The following SGCZ variants were observed in gnomAD, a reference collection of about 807,000 sequenced individuals.
The protein encoded by SGCZ is zeta-sarcoglycan.
SGCZ carries 40 observed loss-of-function variants against 41.3 expected under a neutral mutation model. The ratio of observed to expected loss-of-function variants is 0.97; its 90% CI spans 0.75 to 1.26. The LOEUF is 1.26. Among genes scored for constraint, SGCZ ranks in the 50% most tolerant of loss-of-function variants. SGCZ has a pLI of 0.00. For missense variants in SGCZ, 552 were observed against 369.8 expected (o/e 1.49, Z -4.04); for synonymous variants, 206 against 137.5 (o/e 1.50, Z -3.49).
At chr8:14,479,727 ACTTCTTTTTTTTTTTTTTTTTT>A (rs1437123365) in intron 2 of SGCZ, among the ~76,000 whole-genome samples, 3 of 109,390 alleles carry the variant, frequency 2.7e-5, no homozygotes, top group Admixed American at 2.1e-4. Flanking sequence ...CCAGAATTCT[ACTTCTTTTTTTTTTTTTTTTTT>A]TTTTTTTTTT....
At chr8:14,710,258 T>C (rs931460059) in intron 1 of SGCZ, among the ~76,000 whole-genome samples, 10 of 149,992 alleles carry the variant, frequency 6.7e-5, no homozygotes, top group African/African-American at 2.5e-4. Flanking sequence ...TAGTCCCCAC[T>C]ACGCCGGAGG....
At chr8:14,807,422 C>G (rs985054405) in intron 1 of SGCZ, among the ~76,000 whole-genome samples, 5 of 152,126 alleles carry the variant, frequency 3.3e-5, no homozygotes, top group African/African-American at 9.7e-5. Flanking sequence ...GACAGGCATT[C>G]TTATACACCA....
intron 1 of SGCZ, among the ~76,000 whole-genome samples, chr8:15,004,108 G>T (rs7016297): frequency 2.6e-5 from 4 of 152,116 alleles, no homozygotes; most frequent in East Asian, 1.9e-4. Context: ...CAGAAAGAAA[G>T]GCTCCGTAAG....
chr8:14,338,417 A>G (rs1169194430), intron 2 of SGCZ, among the ~76,000 whole-genome samples: 1 of 152,146 alleles, frequency 6.6e-6, no homozygotes, highest in Non-Finnish European at 1.5e-5. Context: ...GTGAGAATGT[A>G]TAGACCCAGC....
At chr8:14,414,215 C>CACACACACATACA (rs1255337073) in intron 2 of SGCZ, among the ~76,000 whole-genome samples, 14 of 151,790 alleles carry the variant, frequency 9.2e-5, no homozygotes, top group Non-Finnish European at 2.1e-4. Context: ...CATACAGACA[C>CACACACACATACA]GCACACGCTA....
At chr8:14,967,240 G>T (rs554052208) in intron 1 of SGCZ, among the ~76,000 whole-genome samples, 2 of 152,284 alleles carry the variant, frequency 1.3e-5, no homozygotes, top group African/African-American at 4.8e-5. Context: ...CCCTGGTGGT[G>T]TCTGAGACCT....
At chr8:14,334,589 A>G (rs1041946305) in intron 2 of SGCZ, among the ~76,000 whole-genome samples, 1 of 151,892 alleles carries the variant, frequency 6.6e-6, no homozygotes, top group Non-Finnish European at 1.5e-5. Context: ...TATCTTCTTA[A>G]TTTATTTGTG....
intron 4 of SGCZ, among the ~76,000 whole-genome samples, chr8:14,166,364 T>C (rs1443552296): frequency 6.6e-6 from 1 of 152,166 alleles, no homozygotes; most frequent in Non-Finnish European, 1.5e-5. Context: ...GTGTGATTTG[T>C]TCTAATCATA....
chr8:14,782,782 G>T (rs146243835), intron 1 of SGCZ, among the ~76,000 whole-genome samples: 2 of 152,118 alleles, frequency 1.3e-5, no homozygotes, highest in African/African-American at 2.4e-5. Context: ...CTCACTAGTG[G>T]TTATCAATTT....
chr8:14,096,588 G>C (rs1801851966), intron 7 of SGCZ, among the ~76,000 whole-genome samples: 2 of 152,148 alleles, frequency 1.3e-5, no homozygotes, highest in African/African-American at 4.8e-5. Flanking sequence ...GTCTCTGCCA[G>C]GTTTTGGTAT....
At chr8:15,080,461 C>T (rs1369298752) in intron 1 of SGCZ, among the ~76,000 whole-genome samples, 2 of 152,090 alleles carry the variant, frequency 1.3e-5, no homozygotes, top group African/African-American at 2.4e-5. Flanking sequence ...TTGTGCACCC[C>T]CAACGCCAGC....
intron 3 of SGCZ, among the ~76,000 whole-genome samples, chr8:14,294,815 G>A (rs572751856): frequency 1.6e-4 from 24 of 151,982 alleles, no homozygotes; most frequent in Non-Finnish European, 2.5e-4. Flanking sequence ...ATATGAAATC[G>A]CTGTTAGATG....
At chr8:14,535,659 A>G (rs1803272403) in intron 2 of SGCZ, among the ~76,000 whole-genome samples, 2 of 151,910 alleles carry the variant, frequency 1.3e-5, no homozygotes, top group Non-Finnish European at 2.9e-5. Context: ...AAGTCACTTA[A>G]TTTTTGCTTT....
Position 14,161,959 on chromosome 8 carries a change from G to A in SGCZ, c.547+2621C>T, listed in dbSNP as rs545686555. On this transcript the variant is annotated intron_variant, in intron 5 of 7. Coordinates refer to ENST00000382080, the MANE Select transcript of SGCZ (RefSeq NM_139167.4). The stretch of plus-strand genomic sequence containing the variant: ...AGCAATAGGAGGAAGAAGGGAGAGA[G>A]AGAGAAAGATAAAGGGAGAGAGAAT... Among the ~76,000 whole-genome samples the A allele has an allele frequency of 2.0e-5, 3 of 152,174 alleles. 1 individual carries two copies. The South Asian group carries it at 6.2e-4, about 32-fold the overall frequency.
At chr8:14,366,407 A>G (rs1803709148) in intron 2 of SGCZ, among the ~76,000 whole-genome samples, 1 of 152,122 alleles carries the variant, frequency 6.6e-6, no homozygotes, top group Non-Finnish European at 1.5e-5. Flanking sequence ...CTATCATGAG[A>G]ACAGCATGGG....
intron 1 of SGCZ, among the ~76,000 whole-genome samples, chr8:15,019,376 C>T (rs761414365): frequency 2.1e-4 from 32 of 152,230 alleles, no homozygotes; most frequent in South Asian, 4.1e-4. Flanking sequence ...CGTATGCACC[C>T]GAGTGGAAGT....
chr8:14,333,757 T>A (rs1348136060), intron 2 of SGCZ, among the ~76,000 whole-genome samples: 1 of 152,058 alleles, frequency 6.6e-6, no homozygotes, highest in African/African-American at 2.4e-5. Context: ...GGAAATACTT[T>A]AAATACACCA....
At chr8:15,181,256 T>A (rs1289570198) in intron 1 of SGCZ, among the ~76,000 whole-genome samples, 1 of 152,156 alleles carries the variant, frequency 6.6e-6, no homozygotes, top group Non-Finnish European at 1.5e-5. Flanking sequence ...CAAATTAGAA[T>A]AAAGATTTAT....
rs34127082 is a variant in SGCZ at position 15,194,185 on chromosome 8, TCACACACACACACA to T, written c.39+43386_39+43399del. Among the ~76,000 whole-genome samples the T allele has an allele frequency of 3.9e-4, 55 of 139,570 alleles. No individual in the cohort carries two copies. In the Middle Eastern group the frequency reaches 0.012, roughly 29 times the overall value. 91.6% of individuals were successfully genotyped at this position (139,570 alleles called of 152,430 possible). A position where few individuals can be genotyped will look rare whatever the true frequency, so the allele number is the denominator to read the frequency against. On this transcript the variant is annotated intron_variant, in intron 1 of 7. Coordinates refer to ENST00000382080, the MANE Select transcript of SGCZ (RefSeq NM_139167.4). ...AATAGTCCTCGTGTCCCACCTCTAA[TCACACACACACACA>T]CACACACACACACACACACACACAC...
Sources: allele counts gnomAD v4.1 joint callset (sites outside exome capture counted in the v4.1 genomes callset), GRCh38; gene constraint gnomAD v4.1.1; transcripts MANE v1.5; gene names NCBI Gene and HGNC (gene_info 2026-07-23, HGNC 2026-07-21).